SLC9A9: variants seen among roughly 807,000 people sequenced by gnomAD.
The protein encoded by SLC9A9 is sodium/hydrogen exchanger 9.
A neutral mutation model predicts 77.8 loss-of-function variants in SLC9A9; 62 were observed. That is an observed-to-expected ratio of 0.80 (90% CI 0.65 to 0.98). SLC9A9 has a LOEUF of 0.98. SLC9A9 is among the 50% of genes least tolerant of loss of function. The pLI, the probability that SLC9A9 is intolerant of heterozygous loss-of-function variation, is 0.00. For synonymous variants in SLC9A9, 320 were observed against 283.5 expected, an observed-to-expected ratio of 1.13 and a Z score of -1.29; for missense variants, 775 against 774.9, an observed-to-expected ratio of 1.00 and a Z score of 0.00.
chr3:143,583,115 T>G (rs1056409012), intron 6 of SLC9A9, among the ~76,000 whole-genome samples: 1 of 152,068 alleles, frequency 6.6e-6, no homozygotes, highest in Non-Finnish European at 1.5e-5. Flanking sequence ...ATTGGGCCAC[T>G]GCACCCTAGC....
At chr3:143,448,026 G>A (rs1005809512) in intron 12 of SLC9A9, among the ~76,000 whole-genome samples, 2 of 152,156 alleles carry the variant, frequency 1.3e-5, no homozygotes, top group Non-Finnish European at 2.9e-5. Flanking sequence ...GATGGAGGAT[G>A]GCATTTTCAA....
intron 6 of SLC9A9, among the ~76,000 whole-genome samples, chr3:143,583,978 G>A (rs1002860995): frequency 5.3e-5 from 8 of 152,174 alleles, no homozygotes; most frequent in African/African-American, 1.4e-4. Flanking sequence ...TGCTAGTAAT[G>A]AAGAAGAAGG....
At chr3:143,458,025 C>A (rs963882081) in intron 12 of SLC9A9, among the ~76,000 whole-genome samples, 1 of 152,130 alleles carries the variant, frequency 6.6e-6, no homozygotes, top group East Asian at 1.9e-4. Flanking sequence ...TACTCAGGGA[C>A]AAGTACTGAT....
At chr3:143,665,807 C>A (rs550117205) in intron 5 of SLC9A9, among the ~76,000 whole-genome samples, 14 of 152,092 alleles carry the variant, frequency 9.2e-5, no homozygotes, top group Non-Finnish European at 1.6e-4. Context: ...ATGAATAGAC[C>A]AATAACAGGC....
At chr3:143,728,138 T>C (rs1370263169) in intron 4 of SLC9A9, among the ~76,000 whole-genome samples, 2 of 152,200 alleles carry the variant, frequency 1.3e-5, no homozygotes, top group African/African-American at 4.8e-5. Flanking sequence ...CTATTCTGGG[T>C]GAGGCACTCG....
At chr3:143,461,829 T>G (rs2035199495) in intron 12 of SLC9A9, among the ~76,000 whole-genome samples, 1 of 152,196 alleles carries the variant, frequency 6.6e-6, no homozygotes, top group Non-Finnish European at 1.5e-5. Context: ...TCCTCCATTG[T>G]ATTAAATTAA....
intron 6 of SLC9A9, among the ~76,000 whole-genome samples, chr3:143,651,787 G>T (rs1273781492): frequency 6.6e-6 from 1 of 152,184 alleles, no homozygotes; most frequent in East Asian, 1.9e-4. Context: ...TTTTAAAGAT[G>T]TATGCATTCC....
chr3:143,291,307 G>A (rs1057266944), intron 14 of SLC9A9, among the ~76,000 whole-genome samples: 7 of 152,206 alleles, frequency 4.6e-5, no homozygotes, highest in African/African-American at 1.7e-4. Context: ...CTAAGCCGAT[G>A]AGACTTAGCC....
chr3:143,629,380 G>T (rs76813147), intron 6 of SLC9A9, among the ~76,000 whole-genome samples: 1 of 152,262 alleles, frequency 6.6e-6, no homozygotes, highest in East Asian at 1.9e-4. Context: ...GGGAATAATA[G>T]ACAATAAATG....
chr3:143,668,351 GGGATAGCATTA>G (rs1245838243), intron 5 of SLC9A9, among the ~76,000 whole-genome samples: 2 of 110,966 alleles, frequency 1.8e-5, no homozygotes, highest in South Asian at 7.4e-4. Flanking sequence ...GGAGGGGGGA[GGGATAGCATTA>G]GGAGATATAC....
intron 11 of SLC9A9, among the ~76,000 whole-genome samples, chr3:143,468,075 G>A (rs999658185): frequency 1.3e-5 from 2 of 152,194 alleles, no homozygotes; most frequent in Non-Finnish European, 2.9e-5. Flanking sequence ...CACGTCTGTT[G>A]AAGGGTATCT....
intron 6 of SLC9A9, among the ~76,000 whole-genome samples, chr3:143,646,503 G>A (rs2038709993): frequency 6.7e-6 from 1 of 149,230 alleles, no homozygotes; most frequent in African/African-American, 2.5e-5. Flanking sequence ...ACTTAAAAAT[G>A]TATTGTGAAT....
intron 12 of SLC9A9, among the ~76,000 whole-genome samples, chr3:143,447,516 G>A (rs1433301823): frequency 6.6e-6 from 1 of 152,074 alleles, no homozygotes; most frequent in Non-Finnish European, 1.5e-5. Flanking sequence ...CAAATGACTT[G>A]TATCACTATT....
intron 14 of SLC9A9, among the ~76,000 whole-genome samples, chr3:143,278,218 G>A (rs1021510516): frequency 5.9e-5 from 9 of 152,312 alleles, no homozygotes; most frequent in Admixed American, 2.6e-4. Flanking sequence ...GATTCTCAGA[G>A]CACTAAGTCA....
intron 11 of SLC9A9, among the ~76,000 whole-genome samples, chr3:143,490,309 TCTATA>T (rs1488854988): frequency 6.6e-6 from 1 of 152,192 alleles, no homozygotes; most frequent in Non-Finnish European, 1.5e-5. Context: ...TAAAATGTGA[TCTATA>T]CATGCAATGA....
At chr3:143,361,620 G>C (rs1354820217) in intron 14 of SLC9A9, among the ~76,000 whole-genome samples, 1 of 152,216 alleles carries the variant, frequency 6.6e-6, no homozygotes, top group Non-Finnish European at 1.5e-5. Context: ...TATTTGTGTA[G>C]TGACGGCAGC....
intron 6 of SLC9A9, among the ~76,000 whole-genome samples, chr3:143,602,401 T>C (rs1306547643): frequency 6.6e-6 from 1 of 152,214 alleles, no homozygotes; most frequent in Non-Finnish European, 1.5e-5. Flanking sequence ...TAAGATGTTC[T>C]CTCCAGTGAG....
chr3:143,363,124 C>T (rs964395538), intron 14 of SLC9A9, among the ~76,000 whole-genome samples: 1 of 152,138 alleles, frequency 6.6e-6, no homozygotes, highest in Non-Finnish European at 1.5e-5. Flanking sequence ...GCTGCTGAGA[C>T]TGTTCATACA....
intron 4 of SLC9A9, among the ~76,000 whole-genome samples, chr3:143,716,512 A>T (rs1016984654): frequency 2.0e-4 from 31 of 152,154 alleles, no homozygotes; most frequent in African/African-American, 7.5e-4. Context: ...CAAGTGGAGA[A>T]GAGTGGCCAA....
Sources: gnomAD v4.1 joint callset for allele counts (sites outside exome capture counted in the v4.1 genomes callset) on GRCh38, gnomAD v4.1.1 for gene constraint, MANE v1.5 for transcripts, NCBI Gene and HGNC (gene_info 2026-07-23, HGNC 2026-07-21) for gene names.